The following LURAP1L variants were observed in gnomAD, a reference collection of about 807,000 sequenced individuals.
LURAP1L encodes the protein leucine rich adaptor protein 1 like.
LURAP1L carries 12 observed loss-of-function variants against 13.8 expected under a neutral mutation model. That is an observed-to-expected ratio of 0.87 (90% CI 0.56 to 1.41). The LOEUF (loss-of-function observed/expected upper bound fraction) is 1.41, where lower values mean the gene tolerates loss of function less well. Among genes scored for constraint, LURAP1L ranks in the 40% most tolerant of loss-of-function variants. The probability of loss-of-function intolerance (pLI) is 0.00; values close to 1 mark genes in which losing one functional copy is unlikely to be tolerated. For missense variants in LURAP1L, 375 were observed against 292.9 expected (o/e 1.28, Z -2.04); for synonymous variants, 139 against 119.2 (o/e 1.17, Z -1.08).
At chr9:12,795,253 T>A (rs984214113) in intron 1 of LURAP1L, among the ~76,000 whole-genome samples, 20 of 152,052 alleles carry the variant, frequency 1.3e-4, no homozygotes, top group Non-Finnish European at 1.5e-5. Flanking sequence ...TAACTTGTTA[T>A]CCTTCAGGTC....
chr9:12,814,444 T>C (rs1819778268), intron 1 of LURAP1L: 2 of 152,232 alleles, frequency 1.3e-5, no homozygotes, highest in African/African-American at 4.8e-5. Flanking sequence ...AATTACTCTT[T>C]GCACATTCAT....
At chr9:12,811,372 T>C (rs1586886306) in intron 1 of LURAP1L, among the ~76,000 whole-genome samples, 1 of 152,206 alleles carries the variant, frequency 6.6e-6, no homozygotes, top group East Asian at 1.9e-4. Flanking sequence ...AATTTATAAG[T>C]GAAATATGTT....
At chr9:12,807,098 T>C (rs946646678) in intron 1 of LURAP1L, among the ~76,000 whole-genome samples, 5 of 119,836 alleles carry the variant, frequency 4.2e-5, no homozygotes, top group African/African-American at 1.8e-4. Context: ...TACTAAAATA[T>C]ATATATATAT....
chr9:12,812,548 G>T lies in LURAP1L; in HGVS notation c.313-8838G>T, dbSNP rs112125073. ...AAAGTAAGTTTACTAAAGCACTACTGGGCTGCACATAGCGTGTAGGAAATA... is the reference window on the plus strand; with the variant it reads ...AAAGTAAGTTTACTAAAGCACTACTTGGCTGCACATAGCGTGTAGGAAATA... On this transcript the variant is annotated intron_variant, in intron 1 of 1. Coordinates refer to ENST00000319264, the MANE Select transcript of LURAP1L (RefSeq NM_203403.2). 4.0e-3 allele frequency among the ~76,000 whole-genome samples: 602 copies of T among 152,238 alleles called. 3 individuals carry two copies. Among genetic ancestry groups the T allele is most frequent in the African/African-American group, 0.014 (576 of 41,528 alleles).
chr9:12,775,451 A>C lies in LURAP1L; in HGVS notation c.-265A>C, dbSNP rs959518743. On this transcript the variant is annotated 5_prime_UTR_variant, in exon 1 of 2. Coordinates refer to ENST00000319264, the MANE Select transcript of LURAP1L (RefSeq NM_203403.2). ...TCAACTTTGCAGTGAGGTGGCCAAAAAGAGAGAGAATGAGGAGATCTTGAT... is the reference window on the plus strand; with the variant it reads ...TCAACTTTGCAGTGAGGTGGCCAAACAGAGAGAGAATGAGGAGATCTTGAT... The C allele has an allele frequency of 1.2e-5, 5 of 422,244 alleles. No homozygotes were observed. The Admixed American group carries it at 1.3e-4, about 11-fold the overall frequency. The allele number at this position is 422,244 out of a possible 1,614,324, so 26.2% of individuals were successfully genotyped here.
In LURAP1L at chr9:12,775,047, G is replaced by A. The variant is rs1819145860; in HGVS notation, c.-669G>A. On this transcript the variant is annotated 5_prime_UTR_variant, in exon 1 of 2. An upstream open reading frame in the 5' UTR gains an earlier in-frame stop. Coordinates refer to ENST00000319264, the MANE Select transcript of LURAP1L (RefSeq NM_203403.2). Reference sequence around the variant, plus strand: ...TGACTTGGATCAAACAGCCTAAATGGGAAGAAGGACATTTTTGCTGCATCA... The same window carrying A: ...TGACTTGGATCAAACAGCCTAAATGAGAAGAAGGACATTTTTGCTGCATCA... 1 of 152,218 alleles carries A rather than the reference G, an allele frequency of 6.6e-6. No individual in the cohort carries two copies. The highest frequency in any genetic ancestry group is 1.9e-4 in the East Asian group (1 of 5,192). 9.4% of individuals were successfully genotyped at this position (152,218 alleles called of 1,614,324 possible).
chr9:12,813,233 T>C (rs574109808), intron 1 of LURAP1L, among the ~76,000 whole-genome samples: 1 of 152,246 alleles, frequency 6.6e-6, no homozygotes, highest in South Asian at 2.1e-4. Context: ...CAGACATTAT[T>C]AAAATTTAAA....
rs140270686 is a variant in LURAP1L, at chr9:12,820,464, C to A, written c.313-922C>A. Among the ~76,000 whole-genome samples, 1,281 of 141,770 alleles carry A rather than the reference C, an allele frequency of 9.0e-3. 24 individuals carry two copies. The highest frequency in any genetic ancestry group is 0.032 in the African/African-American group (1,233 of 38,338). 93.0% of individuals were successfully genotyped at this position (141,770 alleles called of 152,430 possible). On this transcript the variant is annotated intron_variant, in intron 1 of 1. Coordinates refer to ENST00000319264, the MANE Select transcript of LURAP1L (RefSeq NM_203403.2). ...CTTGCAGTGAGCCGAGATTCCGCCA[C>A]TGCACTCCAGCCTGGACGACAGATC...
chr9:12,775,537 T>C lies in LURAP1L; in HGVS notation c.-179T>C, dbSNP rs1475375475. On this transcript the variant is annotated 5_prime_UTR_variant, in exon 1 of 2. Coordinates refer to ENST00000319264, the MANE Select transcript of LURAP1L (RefSeq NM_203403.2). The stretch of plus-strand genomic sequence containing the variant: ...ACTGCAGCTGCGACCCCCCGCGTCC[T>C]GTGCGGATTTCAGGGCTGATACCGC... 3 of 959,202 alleles carry C rather than the reference T, an allele frequency of 3.1e-6. No individual in the cohort carries two copies. The highest frequency in any genetic ancestry group is 3.4e-5 in the African/African-American group (2 of 58,432). The allele number at this position is 959,202 out of a possible 1,614,324, so 59.4% of individuals were successfully genotyped here.
chr9:12,794,600 G>T (rs148622658), intron 1 of LURAP1L, among the ~76,000 whole-genome samples: 278 of 152,144 alleles, frequency 1.8e-3, no homozygotes, highest in Admixed American at 4.9e-3. Context: ...CCATACACAT[G>T]AAATTAATTT....
intron 1 of LURAP1L, among the ~76,000 whole-genome samples, chr9:12,784,666 C>T (rs906290679): frequency 6.6e-6 from 1 of 152,170 alleles, no homozygotes. Flanking sequence ...CTTGATGTCA[C>T]CCGAGGCCTG....
intron 1 of LURAP1L, among the ~76,000 whole-genome samples, chr9:12,777,027 G>T (rs112988573): frequency 6.6e-6 from 1 of 151,918 alleles, no homozygotes; most frequent in Non-Finnish European, 1.5e-5. Context: ...TGCAACAGTG[G>T]GCCTCAAAAA....
intron 1 of LURAP1L, among the ~76,000 whole-genome samples, chr9:12,790,426 C>G (rs1194262558): frequency 6.6e-6 from 1 of 152,134 alleles, no homozygotes; most frequent in Non-Finnish European, 1.5e-5. Flanking sequence ...TTGGACTACA[C>G]TAGCAACATT....
intron 1 of LURAP1L, among the ~76,000 whole-genome samples, chr9:12,820,577 T>C (rs1819863469): frequency 7.5e-6 from 1 of 134,022 alleles, no homozygotes; most frequent in African/African-American, 2.8e-5. Flanking sequence ...CTTCCCAACA[T>C]CTGGTATCCC....
intron 1 of LURAP1L, among the ~76,000 whole-genome samples, chr9:12,778,986 A>C (rs1819230097): frequency 6.6e-6 from 1 of 152,218 alleles, no homozygotes; most frequent in Non-Finnish European, 1.5e-5. Flanking sequence ...GTAAAGTTTA[A>C]TTTATAAATC....
chr9:12,779,369 G>T (rs952965853), intron 1 of LURAP1L, among the ~76,000 whole-genome samples: 6 of 140,934 alleles, frequency 4.3e-5, no homozygotes, highest in Non-Finnish European at 6.0e-5. Context: ...CCGCCTCCCA[G>T]GTTCAGGCCA....
chr9:12,791,599 C>T (rs949574945), intron 1 of LURAP1L, among the ~76,000 whole-genome samples: 1 of 151,774 alleles, frequency 6.6e-6, no homozygotes, highest in Non-Finnish European at 1.5e-5. Flanking sequence ...CACATTCCCC[C>T]AGATGTAAAC....
intron 1 of LURAP1L, among the ~76,000 whole-genome samples, chr9:12,814,133 C>T (rs550950588): frequency 6.6e-6 from 1 of 152,250 alleles, no homozygotes; most frequent in South Asian, 2.1e-4. Context: ...CAGGAAGCTG[C>T]TTGTTAAACA....
intron 1 of LURAP1L, among the ~76,000 whole-genome samples, chr9:12,785,656 A>G (rs934144675): frequency 6.6e-6 from 1 of 152,156 alleles, no homozygotes; most frequent in African/African-American, 2.4e-5. Flanking sequence ...CTGAGTTCCA[A>G]TGCAAAGTCC....
Sources: allele counts gnomAD v4.1 joint callset (sites outside exome capture counted in the v4.1 genomes callset), GRCh38; gene constraint gnomAD v4.1.1; transcripts MANE v1.5; gene names NCBI Gene and HGNC (gene_info 2026-07-23, HGNC 2026-07-21).